The following TFDP1 variants were observed in gnomAD, a reference collection of about 807,000 sequenced individuals.
The protein encoded by TFDP1 is transcription factor Dp-1.
A neutral mutation model predicts 48.0 loss-of-function variants in TFDP1; 6 were observed. The observed-to-expected ratio is 0.13, with a 90% confidence interval of 0.07 to 0.25. The LOEUF is 0.25. Among genes scored for constraint, TFDP1 ranks in the 10% least tolerant of loss-of-function variants. The probability of loss-of-function intolerance (pLI) is 1.00; values close to 1 mark genes in which losing one functional copy is unlikely to be tolerated. For missense variants in TFDP1, 335 were observed against 543.0 expected, an observed-to-expected ratio of 0.62 and a Z score of 3.81; for synonymous variants, 201 against 211.6, an observed-to-expected ratio of 0.95 and a Z score of 0.44.
chr13:113,599,549 AGGTGTTG>A, intron 2 of TFDP1, among the ~76,000 whole-genome samples: 1 of 152,258 alleles, frequency 6.6e-6, no homozygotes, highest in African/African-American at 2.4e-5. Context: ...AAACCCTCAA[AGGTGTTG>A]GGTGTTGGGG....
chr13:113,615,350 C>T (rs922319377), intron 3 of TFDP1, among the ~76,000 whole-genome samples: 7 of 152,202 alleles, frequency 4.6e-5, no homozygotes, highest in Admixed American at 1.3e-4. Context: ...CCTACGGCCC[C>T]GCAGTGCTGA....
intron 2 of TFDP1, among the ~76,000 whole-genome samples, chr13:113,603,421 C>A (rs2048489464): frequency 6.6e-6 from 1 of 151,572 alleles, no homozygotes; most frequent in African/African-American, 2.4e-5. Flanking sequence ...GTTGTGAGAA[C>A]CGTGGTCACC....
intron 3 of TFDP1, among the ~76,000 whole-genome samples, chr13:113,621,987 A>T (rs1221778300): frequency 6.6e-6 from 1 of 152,200 alleles, no homozygotes; most frequent in Non-Finnish European, 1.5e-5. Flanking sequence ...TAGTGAAAGT[A>T]CTAAAAGTCT....
intron 10 of TFDP1, 83 bp from the exon 11 acceptor site, chr13:113,637,735 C>T (rs993124564): frequency 6.2e-7 from 1 of 1,611,102 alleles, no homozygotes; most frequent in Admixed American, 1.7e-5. Context: ...TCCTGTGGAA[C>T]TGCGCGTCAT....
rs1339746924 is a variant in TFDP1 at position 113,641,089 on chromosome 13, A to G, written c.*822A>G. On this transcript the variant is annotated 3_prime_UTR_variant, in exon 12 of 12. Coordinates refer to ENST00000375370, the MANE Select transcript of TFDP1 (RefSeq NM_007111.5). ...TAGTTGTTTACATACTTATAAGTCT[A>G]TCATTTAAAGACATGTACTGAAACA... 6.6e-6 allele frequency: 1 copy of G among 152,666 alleles called. No homozygotes were observed. Among genetic ancestry groups the G allele is most frequent in the Non-Finnish European group, 1.5e-5 (1 of 68,050 alleles). The allele number at this position is 152,666 out of a possible 1,614,324, so 9.5% of individuals were successfully genotyped here. A position where few individuals can be genotyped will look rare whatever the true frequency, so the allele number is the denominator to read the frequency against.
At position 113,611,547 on chromosome 13, in the gene TFDP1, A is replaced by G. The variant is rs117878321; in HGVS notation, c.79+485A>G. 6.8e-3 allele frequency among the ~76,000 whole-genome samples: 1,036 copies of G among 152,270 alleles called. 6 individuals are homozygous for G. Among genetic ancestry groups the G allele is most frequent in the Admixed American group, 0.013 (199 of 15,306 alleles). On this transcript the variant is annotated intron_variant, in intron 3 of 11. Coordinates refer to ENST00000375370, the MANE Select transcript of TFDP1 (RefSeq NM_007111.5). The stretch of plus-strand genomic sequence containing the variant: ...AGAGCCGTTTTTCTTGTCTTGGGGA[A>G]TCCAGGGGAGGAAGTCAGCTGGAGA...
chr13:113,593,169 A>AG (rs1366392864), intron 2 of TFDP1, among the ~76,000 whole-genome samples: 32 of 49,288 alleles, frequency 6.5e-4, no homozygotes, highest in African/African-American at 9.4e-4. Context: ...GTGGGTCCTC[A>AG]CCCTGCCCAG....
At chr13:113,613,285 A>G (rs527530899) in intron 3 of TFDP1, among the ~76,000 whole-genome samples, 2 of 152,330 alleles carry the variant, frequency 1.3e-5, no homozygotes, top group East Asian at 1.9e-4. Context: ...AAGTGCTGGG[A>G]TTACAGGCGG....
At chr13:113,635,571 T>A (rs1042110156) in intron 8 of TFDP1, among the ~76,000 whole-genome samples, 1 of 152,192 alleles carries the variant, frequency 6.6e-6, no homozygotes, top group African/African-American at 2.4e-5. Flanking sequence ...CCTTCTGCGT[T>A]CCACTTTCCA....
intron 4 of TFDP1, among the ~76,000 whole-genome samples, chr13:113,625,982 C>T (rs1452448712): frequency 1.3e-5 from 2 of 149,436 alleles, no homozygotes; most frequent in African/African-American, 5.0e-5. Context: ...CACGTGTCCT[C>T]AGGTGTCTCT....
chr13:113,609,948 A>G (rs4150718), intron 2 of TFDP1, among the ~76,000 whole-genome samples: 1,590 of 152,252 alleles, frequency 0.01, 25 homozygotes, highest in African/African-American at 0.036. Flanking sequence ...TCCTCTTGGG[A>G]TGGCTTTTCC....
rs143551491 is a variant in TFDP1, at chr13:113,591,854, C to T, written c.12+6005C>T. 3.6e-3 allele frequency among the ~76,000 whole-genome samples: 544 copies of T among 152,352 alleles called. 3 individuals are homozygous for T. The highest frequency in any genetic ancestry group is 0.013 in the African/African-American group (521 of 41,572). On this transcript the variant is annotated intron_variant, in intron 2 of 11. Transcript: ENST00000375370. ...TTAGAGGCTGAATTAGGTGACCCCT[C>T]ATCCCCCAGGTGTCTTACTCAGATG...
chr13:113,634,733 G>C, intron 8 of TFDP1, 131 bp downstream of exon 8: 1 of 699,378 alleles, frequency 1.4e-6, no homozygotes, highest in Non-Finnish European at 2.4e-6. Flanking sequence ...TTCTGAGTGT[G>C]AGTTCATCTC....
rs377534107 is a variant in TFDP1, at chr13:113,618,324, C to A, written c.80-4856C>A. ...ATCGCTTGAACTCAGGAGTTCAAGA[C>A]CAGTCTGGGTGATGTGGCGAAACTC... On this transcript the variant is annotated intron_variant, in intron 3 of 11. Coordinates refer to ENST00000375370, the MANE Select transcript of TFDP1 (RefSeq NM_007111.5). Among the ~76,000 whole-genome samples, 19 of 152,220 alleles carry A rather than the reference C, an allele frequency of 1.2e-4. No homozygotes were observed. In the East Asian group the frequency reaches 3.5e-3, roughly 28 times the overall value.
intron 3 of TFDP1, among the ~76,000 whole-genome samples, chr13:113,613,966 A>T (rs564315966): frequency 1.1e-4 from 17 of 149,054 alleles, no homozygotes; most frequent in African/African-American, 3.5e-4. Context: ...TGAGGAGTGC[A>T]TATGGAGTGC....
intron 4 of TFDP1, among the ~76,000 whole-genome samples, chr13:113,629,466 G>A (rs777087361): frequency 6.6e-6 from 1 of 152,158 alleles, no homozygotes; most frequent in African/African-American, 2.4e-5. Flanking sequence ...CTTTAAGATG[G>A]TCCAAAAGCA....
chr13:113,601,487 T>G (rs1406520027), intron 2 of TFDP1, among the ~76,000 whole-genome samples: 1 of 142,456 alleles, frequency 7.0e-6, no homozygotes, highest in Non-Finnish European at 1.5e-5. Context: ...GAGGCCACCC[T>G]CACCCTCACC....
rs138846629 is a variant in TFDP1, at chr13:113,633,258, C to T, written c.447C>T (p.Ala149=). 9.9e-6 allele frequency: 16 copies of T among 1,613,966 alleles called. No individual in the cohort carries two copies. The highest frequency in any genetic ancestry group is 4.5e-5 in the East Asian group (2 of 44,888). The change falls in exon 6 of 12, where the codon GCC becomes GCT. Residue 149 remains alanine (A), a synonymous_variant. Coordinates refer to ENST00000375370, the MANE Select transcript of TFDP1 (RefSeq NM_007111.5). The surrounding 1 kb of genome is among the most constrained non-coding windows in gnomAD (Gnocchi z 4.5). ...AGCTGGTTGCGGAGTTCAGTGCTGC[C>T]GACAACCACATCTTACCAAACGAGT... ...ADELVAEFSA[A]DNHILPNESA...
chr13:113,620,980 C>T (rs2048981464), intron 3 of TFDP1, among the ~76,000 whole-genome samples: 1 of 152,140 alleles, frequency 6.6e-6, no homozygotes, highest in African/African-American at 2.4e-5. Flanking sequence ...TACTAAGTGT[C>T]CTTATGTAGC....
Sources: gnomAD v4.1 joint callset for allele counts (sites outside exome capture counted in the v4.1 genomes callset) on GRCh38, gnomAD v4.1.1 for gene constraint, Gnocchi (gnomAD v3.1) non-coding constraint, MANE v1.5 for transcripts, NCBI Gene and HGNC (gene_info 2026-07-23, HGNC 2026-07-21) for gene names.